Variants in ADCY7 observed in about 807,000 individuals in gnomAD.
ADCY7 encodes the protein adenylate cyclase 7.
ADCY7 carries 72 observed loss-of-function variants against 120.6 expected under a neutral mutation model. That is an observed-to-expected ratio of 0.60 (90% CI 0.49 to 0.73). The LOEUF (loss-of-function observed/expected upper bound fraction) is 0.73. ADCY7 is among the 30% of genes least tolerant of loss of function. The pLI, the probability that ADCY7 is intolerant of heterozygous loss-of-function variation, is 0.00. For synonymous variants in ADCY7, 661 were observed against 628.0 expected (o/e 1.05, Z -0.78); for missense variants, 1,227 against 1,486.0 (o/e 0.83, Z 2.87).
In ADCY7 at chr16:50,314,372, C is replaced by G; in HGVS notation, c.2937C>G (p.Asn979Lys). Reference sequence around the variant, plus strand: ...TGATGAGTAAGCTGGACGGCATCAACAGGCACTCCTTCAACTCCTTCCGCC... The same window carrying G: ...TGATGAGTAAGCTGGACGGCATCAAGAGGCACTCCTTCAACTCCTTCCGCC... Reference protein sequence around the residue: ...IALMSKLDGINRHSFNSFRLR... With the variant: ...IALMSKLDGIKRHSFNSFRLR... The change falls in exon 24 of 26, where the codon AAC becomes AAG. Residue 979 changes from asparagine (N) to lysine (K), a missense_variant. Coordinates refer to ENST00000673801, the MANE Select transcript of ADCY7 (RefSeq NM_001114.5). 1 of 1,614,140 alleles carries G rather than the reference C, an allele frequency of 6.2e-7. No homozygotes were observed. Among genetic ancestry groups the G allele is most frequent in the Non-Finnish European group, 8.5e-7 (1 of 1,180,034 alleles).
At chr16:50,301,611 G>A in intron 10 of ADCY7, 1 of 204,572 alleles carries the variant, frequency 4.9e-6, no homozygotes, top group Admixed American at 5.3e-5. Flanking sequence ...GGAAAGCAGG[G>A]AGTGGCCTGG....
intron 1 of ADCY7, among the ~76,000 whole-genome samples, chr16:50,281,578 C>A (rs2034269462): frequency 6.6e-6 from 1 of 152,200 alleles, no homozygotes; most frequent in Non-Finnish European, 1.5e-5. Flanking sequence ...TTTGCCAGGA[C>A]CAGCTGCGGG....
intron 17 of ADCY7, 177 bp downstream of exon 17, chr16:50,308,969 G>T: frequency 1.3e-6 from 1 of 747,762 alleles, no homozygotes; most frequent in Non-Finnish European, 2.0e-6. Context: ...GTTCTCAAAT[G>T]CGGACTTTGG....
intron 24 of ADCY7, 55 bp downstream of exon 24, chr16:50,314,461 C>A: frequency 8.1e-6 from 11 of 1,361,394 alleles, no homozygotes; most frequent in East Asian, 2.3e-5. Flanking sequence ...GCCAGTCCAC[C>A]CAGTCTGTGT....
At chr16:50,251,683 A>G (rs2032760310) in intron 1 of ADCY7, among the ~76,000 whole-genome samples, 1 of 152,216 alleles carries the variant, frequency 6.6e-6, no homozygotes. Context: ...TACCGGTGGA[A>G]GCTCGGCAGG....
intron 7 of ADCY7, 135 bp downstream of exon 7, chr16:50,294,886 A>G: frequency 1.6e-6 from 1 of 625,130 alleles, no homozygotes; most frequent in Non-Finnish European, 2.8e-6. Context: ...CAGCCAGCAA[A>G]CACAAGCGCC....
At chr16:50,286,922 G>A (rs1567549112) in intron 1 of ADCY7, among the ~76,000 whole-genome samples, 2 of 152,198 alleles carry the variant, frequency 1.3e-5, no homozygotes, top group Admixed American at 1.3e-4. Context: ...GAAACATGCA[G>A]AGCAGAGCTG....
In ADCY7 at chr16:50,288,031, G is replaced by T. The variant is rs1025200585; in HGVS notation, c.-149G>T. On this transcript the variant is annotated 5_prime_UTR_variant, in exon 2 of 26. Coordinates refer to ENST00000673801, the MANE Select transcript of ADCY7 (RefSeq NM_001114.5). ...CCCCTTGTTGGCCATGGAGCAGCAGGCCCAGAGGCCCTCTCCCCAGCCCTG... is the reference window on the plus strand; with the variant it reads ...CCCCTTGTTGGCCATGGAGCAGCAGTCCCAGAGGCCCTCTCCCCAGCCCTG... 5.7e-6 allele frequency: 5 copies of T among 883,556 alleles called. No homozygotes were observed. Among genetic ancestry groups the T allele is most frequent in the African/African-American group, 5.2e-5 (3 of 57,818 alleles). The allele number at this position is 883,556 out of a possible 1,614,324, so 54.7% of individuals were successfully genotyped here.
At chr16:50,252,887 T>C (rs1268465699) in intron 1 of ADCY7, among the ~76,000 whole-genome samples, 1 of 152,254 alleles carries the variant, frequency 6.6e-6, no homozygotes. Flanking sequence ...GAATTGGAAC[T>C]CGAAGTAACC....
chr16:50,290,634 A>G lies in ADCY7; in HGVS notation c.349A>G (p.Thr117Ala). 6.2e-7 allele frequency: 1 copy of G among 1,613,904 alleles called. No homozygotes were observed. The highest frequency in any genetic ancestry group is 8.5e-7 in the Non-Finnish European group (1 of 1,179,908). Residue 117 changes from threonine (T) to alanine (A), a missense_variant, in exon 3 of 26, where the codon ACA becomes GCA. By Grantham distance (58) the Thr-to-Ala change is moderately conservative. This residue lies in a region of ADCY7 where 382 missense variants were observed against 411.4 expected (regional missense o/e 0.93). Transcript: ENST00000673801. Reference sequence around the variant, plus strand: ...CTATGTGCTGGTGTTCGACGCATGGACAAAGGCGGCCTGTGCGTGGGAGCA... The same window carrying G: ...CTATGTGCTGGTGTTCGACGCATGGGCAAAGGCGGCCTGTGCGTGGGAGCA... ...LGYVLVFDAW[T>A]KAACAWEQVP...
intron 10 of ADCY7, among the ~76,000 whole-genome samples, chr16:50,303,331 C>A (rs1054801428): frequency 6.6e-6 from 1 of 152,184 alleles, no homozygotes; most frequent in Admixed American, 6.5e-5. Flanking sequence ...ATGTTTCTAT[C>A]CCAAAAGGAG....
At position 50,271,468 on chromosome 16, in the gene ADCY7, C is replaced by T. The variant is rs150967668; in HGVS notation, c.-269+4788C>T. ...TGAGCACAGCACAGCCCAGTGCTGCCGAGATGAACCTGAGCAGACTCTGTG... is the reference window on the plus strand; with the variant it reads ...TGAGCACAGCACAGCCCAGTGCTGCTGAGATGAACCTGAGCAGACTCTGTG... On this transcript the variant is annotated intron_variant, in intron 1 of 25. Coordinates refer to ENST00000673801, the MANE Select transcript of ADCY7 (RefSeq NM_001114.5). Among the ~76,000 whole-genome samples the T allele has an allele frequency of 2.4e-3, 366 of 152,282 alleles. 3 individuals carry two copies. The highest frequency in any genetic ancestry group is 8.2e-3 in the African/African-American group (342 of 41,560).
chr16:50,300,674 G>A (rs755430648), intron 8 of ADCY7, 41 bp from the exon 9 acceptor site: 1 of 1,548,322 alleles, frequency 6.5e-7, no homozygotes. Context: ...CCTGTCCCAG[G>A]GCTTAGGCAG....
At chr16:50,312,355 T>C (rs1227097314) in intron 21 of ADCY7, among the ~76,000 whole-genome samples, 164 bp downstream of exon 21, 2 of 152,146 alleles carry the variant, frequency 1.3e-5, no homozygotes, top group African/African-American at 4.8e-5. Context: ...TGTGAGAGCA[T>C]GGGCCTGGGG....
At chr16:50,294,138 T>C (rs2035184881) in intron 6 of ADCY7, among the ~76,000 whole-genome samples, 1 of 152,196 alleles carries the variant, frequency 6.6e-6, no homozygotes, top group Non-Finnish European at 1.5e-5. Context: ...AGATGCCAGC[T>C]CTTGGCTTCC....
intron 1 of ADCY7, among the ~76,000 whole-genome samples, chr16:50,250,984 C>T (rs184271707): frequency 6.6e-6 from 1 of 152,170 alleles, no homozygotes; most frequent in Admixed American, 6.5e-5. Flanking sequence ...CCTGTAATCC[C>T]AGCACTTTGG....
At chr16:50,271,657 A>G (rs2033582562) in intron 1 of ADCY7, among the ~76,000 whole-genome samples, 1 of 151,998 alleles carries the variant, frequency 6.6e-6, no homozygotes, top group Non-Finnish European at 1.5e-5. Context: ...ACTCTGGGCC[A>G]GCCCCCCTGA....
At chr16:50,270,569 T>C (rs2033500807) in intron 1 of ADCY7, among the ~76,000 whole-genome samples, 1 of 152,160 alleles carries the variant, frequency 6.6e-6, no homozygotes, top group African/African-American at 2.4e-5. Flanking sequence ...GCTACCTAAG[T>C]GGAAGTGTGC....
intron 11 of ADCY7, 46 bp downstream of exon 11, chr16:50,304,597 CCAGGAG>C: frequency 6.7e-7 from 1 of 1,500,134 alleles, no homozygotes; most frequent in Non-Finnish European, 9.0e-7. Flanking sequence ...GGGCCCCAAG[CCAGGAG>C]CAGGAGAGTG....
Sources: gnomAD v4.1 joint callset for allele counts (sites outside exome capture counted in the v4.1 genomes callset) on GRCh38, gnomAD v4.1.1 for gene constraint, gnomAD v4.1.1 regional missense constraint, MANE v1.5 for transcripts, NCBI Gene and HGNC (gene_info 2026-07-23, HGNC 2026-07-21) for gene names.